Variants in IFRD1 observed in about 807,000 individuals in gnomAD.
IFRD1 encodes the protein interferon related developmental regulator 1, also known as interferon-related developmental regulator 1.
IFRD1 carries 35 observed loss-of-function variants against 52.9 expected under a neutral mutation model. The ratio of observed to expected loss-of-function variants is 0.66; its 90% confidence interval spans 0.51 to 0.88. IFRD1 has a LOEUF of 0.88. Among genes scored for constraint, IFRD1 ranks in the 40% least tolerant of loss-of-function variants. The probability of loss-of-function intolerance (pLI) is 0.00; values close to 1 mark genes in which losing one functional copy is unlikely to be tolerated. For synonymous variants in IFRD1, 184 were observed against 188.4 expected, an observed-to-expected ratio of 0.98 and a Z score of 0.19; for missense variants, 517 against 550.8, an observed-to-expected ratio of 0.94 and a Z score of 0.61.
Position 112,476,471 on chromosome 7 carries a change from A to G in IFRD1, c.*952A>G, listed in dbSNP as rs1213026854. On this transcript the variant is annotated 3_prime_UTR_variant, in exon 12 of 12. Transcript: ENST00000403825. ...AGCCCAGTTTGAGACCAGCCTGGGC[A>G]ACATAGCGAGACCCTGTCTCTACCA... The G allele has an allele frequency of 6.6e-6, 1 of 152,264 alleles. No individual in the cohort carries two copies. The highest frequency in any genetic ancestry group is 1.5e-5 in the Non-Finnish European group (1 of 68,136). The allele number at this position is 152,264 out of a possible 1,614,324, so 9.4% of individuals were successfully genotyped here.
intron 1 of IFRD1, among the ~76,000 whole-genome samples, chr7:112,429,359 C>T (rs775943661): frequency 1.3e-5 from 2 of 152,126 alleles, no homozygotes; most frequent in East Asian, 1.9e-4. Context: ...TTTTTGGTCA[C>T]GTTAAGTCAA....
At chr7:112,442,280 A>G (rs1794909265) in intron 1 of IFRD1, among the ~76,000 whole-genome samples, 1 of 152,228 alleles carries the variant, frequency 6.6e-6, no homozygotes, top group Non-Finnish European at 1.5e-5. Flanking sequence ...ATCAGCTCCC[A>G]GCCAAAAGAT....
In IFRD1 at chr7:112,461,934, G is replaced by A. The variant is rs757033549; in HGVS notation, c.618+18G>A. 4 of 1,608,304 alleles carry A rather than the reference G, an allele frequency of 2.5e-6. No individual in the cohort carries two copies. The highest frequency in any genetic ancestry group is 3.4e-6 in the Non-Finnish European group (4 of 1,175,260). On this transcript the variant is annotated intron_variant, in intron 6 of 11. Transcript: ENST00000403825. ...ACATTACTGTAAGTAAAAAACCTTTGATTCTAGTTATCTGCAGTTATTTCT... is the reference window on the plus strand; with the variant it reads ...ACATTACTGTAAGTAAAAAACCTTTAATTCTAGTTATCTGCAGTTATTTCT...
In IFRD1 at chr7:112,452,095, T is replaced by C. The variant is rs572055082; in HGVS notation, c.94+1313T>C. On this transcript the variant is annotated intron_variant, in intron 1 of 11. Transcript: ENST00000403825. ...CCATGTTGATGAAATTCATTCTTTA[T>C]CAAGATGTAAAATATGTAATTTATT... 2.7e-4 allele frequency: 268 copies of C among 983,524 alleles called. No individual in the cohort carries two copies. In the African/African-American group the frequency reaches 4.4e-3, roughly 16 times the overall value. The allele number at this position is 983,524 out of a possible 1,614,324, so 60.9% of individuals were successfully genotyped here.
chr7:112,439,975 T>C (rs1207916554), intron 1 of IFRD1, among the ~76,000 whole-genome samples: 2 of 152,008 alleles, frequency 1.3e-5, no homozygotes, highest in Non-Finnish European at 2.9e-5. Flanking sequence ...CTGCAACAAA[T>C]TAATTTCAAA....
intron 1 of IFRD1, among the ~76,000 whole-genome samples, chr7:112,432,568 T>G (rs1383462716): frequency 1.3e-5 from 2 of 152,200 alleles, no homozygotes. Context: ...ACCAATTCCA[T>G]GTATTAAGTA....
At chr7:112,462,679 A>G (rs2529587) in intron 8 of IFRD1, among the ~76,000 whole-genome samples, 123,722 of 152,092 alleles carry the variant, frequency 0.81, 51,251 homozygotes, top group Middle Eastern at 0.95. Flanking sequence ...AAACTGCTTG[A>G]ATTTCTCAGA....
intron 1 of IFRD1, chr7:112,451,097 C>G (rs1795151195): frequency 3.0e-6 from 1 of 328,672 alleles, no homozygotes; most frequent in Non-Finnish European, 5.7e-6. Flanking sequence ...GTCAGAGTTC[C>G]TTTCTCGGCG....
rs764094401 is a variant in IFRD1 at position 112,456,103 on chromosome 7, A to C, written c.284+17A>C. 1 of 1,400,208 alleles carries C rather than the reference A, an allele frequency of 7.1e-7. No individual in the cohort carries two copies. Among genetic ancestry groups the C allele is most frequent in the Non-Finnish European group, 1.0e-6 (1 of 985,062 alleles). 86.7% of individuals were successfully genotyped at this position (1,400,208 alleles called of 1,614,324 possible). ...GGATAAGAGGTAGGCAATACTGGAA[A>C]CTCCATTCTGTGTGAGTCTATGCTT... On this transcript the variant is annotated intron_variant, in intron 3 of 11. Coordinates refer to ENST00000403825, the MANE Select transcript of IFRD1 (RefSeq NM_001550.4).
intron 11 of IFRD1, among the ~76,000 whole-genome samples, chr7:112,473,935 A>C (rs541355177): frequency 2.6e-5 from 4 of 152,310 alleles, no homozygotes; most frequent in Non-Finnish European, 5.9e-5. Context: ...GGCAACCGCT[A>C]ATCTGCTGTC....
chr7:112,434,227 C>T (rs948315550), intron 1 of IFRD1, among the ~76,000 whole-genome samples: 54 of 152,066 alleles, frequency 3.6e-4, no homozygotes, highest in African/African-American at 1.3e-3. Context: ...ATTGAGGTCC[C>T]CGTGGGGCTG....
chr7:112,448,037 T>G (rs1795067680), upstream of IFRD1, among the ~76,000 whole-genome samples: 1 of 150,310 alleles, frequency 6.7e-6, no homozygotes, highest in African/African-American at 2.4e-5. Context: ...ATATATATAC[T>G]GACTATAATT....
intron 9 of IFRD1, among the ~76,000 whole-genome samples, chr7:112,468,481 C>CT (rs1795671420): frequency 6.6e-6 from 1 of 152,106 alleles, no homozygotes; most frequent in African/African-American, 2.4e-5. Context: ...ACCCCTTAGA[C>CT]TCCAACCCAG....
At chr7:112,468,249 T>C (rs887066775) in intron 9 of IFRD1, 134 bp downstream of exon 9, 1 of 988,640 alleles carries the variant, frequency 1.0e-6, no homozygotes, top group African/African-American at 1.6e-5. Flanking sequence ...CCTAGCAGGT[T>C]TTTAACAATA....
chr7:112,448,042 A>G (rs1035952272), upstream of IFRD1, among the ~76,000 whole-genome samples: 1 of 151,844 alleles, frequency 6.6e-6, no homozygotes, highest in African/African-American at 2.4e-5. Flanking sequence ...TATACTGACT[A>G]TAATTTCAAT....
At chr7:112,440,738 C>A (rs539640433) in intron 1 of IFRD1, among the ~76,000 whole-genome samples, 15 of 152,204 alleles carry the variant, frequency 9.9e-5, no homozygotes, top group African/African-American at 2.9e-4. Flanking sequence ...CCAAGAGACA[C>A]TAATCAAAAA....
intron 1 of IFRD1, chr7:112,435,405 G>A (rs563417102): frequency 2.0e-5 from 3 of 152,282 alleles, no homozygotes; most frequent in South Asian, 4.1e-4. Flanking sequence ...ATCATTAAGT[G>A]TTTGACTGCA....
chr7:112,465,034 GAAAT>G (rs1049451798), intron 8 of IFRD1, among the ~76,000 whole-genome samples: 71 of 152,112 alleles, frequency 4.7e-4, no homozygotes, highest in African/African-American at 1.7e-3. Context: ...AGCAGGAATT[GAAAT>G]AAATAAGTCT....
chr7:112,440,019 T>C (rs1794833248), intron 1 of IFRD1, among the ~76,000 whole-genome samples: 1 of 151,948 alleles, frequency 6.6e-6, no homozygotes, highest in South Asian at 2.1e-4. Flanking sequence ...GCAGTCTTGC[T>C]CTGTCACCTA....
Sources: allele counts gnomAD v4.1 joint callset (sites outside exome capture counted in the v4.1 genomes callset), GRCh38; gene constraint gnomAD v4.1.1; transcripts MANE v1.5; gene names NCBI Gene and HGNC (gene_info 2026-07-23, HGNC 2026-07-21).